PC: variants seen among roughly 807,000 people sequenced by gnomAD.
PC encodes pyruvate carboxylase.
In PC, 46 loss-of-function variants were observed where a neutral mutation model predicts 107.8. The ratio of observed to expected loss-of-function variants is 0.43; its 90% CI spans 0.34 to 0.55. PC has a LOEUF of 0.55. PC is among the 20% of genes least tolerant of loss of function. The pLI is 0.04. For missense variants in PC, 1,241 were observed against 1,643.1 expected, an observed-to-expected ratio of 0.76 and a Z score of 4.23; for synonymous variants, 662 against 684.7, an observed-to-expected ratio of 0.97 and a Z score of 0.52.
At position 66,850,535 on chromosome 11, in the gene PC, G is replaced by A; in HGVS notation, c.2474-71C>T. On this transcript the variant is annotated intron_variant, in intron 18 of 22. Coordinates refer to ENST00000393960, the MANE Select transcript of PC (RefSeq NM_001040716.2). ...CTTCCAGGACCCAGGGCTAGCTCAGGTCCCATGTCTGACTCAGGTGACAGA... is the reference window on the plus strand; with the variant it reads ...CTTCCAGGACCCAGGGCTAGCTCAGATCCCATGTCTGACTCAGGTGACAGA... 2.5e-6 allele frequency: 4 copies of A among 1,610,058 alleles called. No individual in the cohort carries two copies. In the South Asian group the frequency reaches 4.4e-5, roughly 18 times the overall value.
At position 66,858,949 on chromosome 11, in the gene PC, C is replaced by T. The variant is rs372192216; in HGVS notation, c.1368+4825G>A. On this transcript the variant is annotated intron_variant, in intron 12 of 22. Transcript: ENST00000393960. The surrounding 1 kb of genome is among the most constrained non-coding windows in gnomAD (Gnocchi z 5.9). ...CGCACTGCTGCCGAGGGTGAGGGGACGCTGGAGTCTGAGCCAGCCGTGCAG... is the reference window on the plus strand; with the variant it reads ...CGCACTGCTGCCGAGGGTGAGGGGATGCTGGAGTCTGAGCCAGCCGTGCAG... The T allele has an allele frequency of 1.0e-4, 161 of 1,576,994 alleles. 1 individual carries two copies. The South Asian group carries it at 1.5e-3, about 15-fold the overall frequency.
rs899969769 is a variant in PC at position 66,870,941 on chromosome 11, C to T, written c.634-49G>A. ...CCAGACCTCAGACCCCACAGCGCTA[C>T]CTCTCCCCTGCCATGAACCCCACCC... is the stretch of plus-strand genomic sequence containing the variant. On this transcript the variant is annotated intron_variant, in intron 7 of 22. Coordinates refer to ENST00000393960, the MANE Select transcript of PC (RefSeq NM_001040716.2). The surrounding 1 kb of genome is among the most constrained non-coding windows in gnomAD (Gnocchi z 6.1). The T allele has an allele frequency of 2.9e-5, 47 of 1,604,218 alleles. No individual in the cohort carries two copies. The highest frequency in any genetic ancestry group is 3.5e-5 in the Non-Finnish European group (41 of 1,174,112).
In PC at chr11:66,852,313, C is replaced by T. The variant is rs568596389; in HGVS notation, c.1825+126G>A. ...GCCGGAGAGGGCGCTGTGCCTTCTT[C>T]GGTCCTTCCTCTTTGGTGTTCTTCG... On this transcript the variant is annotated intron_variant, in intron 15 of 22. Coordinates refer to ENST00000393960, the MANE Select transcript of PC (RefSeq NM_001040716.2). The surrounding 1 kb of genome is among the most constrained non-coding windows in gnomAD (Gnocchi z 4.7). The T allele has an allele frequency of 3.6e-5, 31 of 866,550 alleles. No individual in the cohort carries two copies. Among genetic ancestry groups the T allele is most frequent in the African/African-American group, 5.0e-5 (3 of 60,508 alleles). The allele number at this position is 866,550 out of a possible 1,614,324, so 53.7% of individuals were successfully genotyped here.
At chr11:66,859,750 C>T (rs747374423) in intron 12 of PC, 1 of 1,608,944 alleles carries the variant, frequency 6.2e-7, no homozygotes, top group Non-Finnish European at 8.5e-7. Flanking sequence ...GACCTCACGG[C>T]CACCAGGCTG....
intron 3 of PC, among the ~76,000 whole-genome samples, chr11:66,883,658 C>T (rs1947260972): frequency 6.6e-6 from 1 of 152,176 alleles, no homozygotes; most frequent in African/African-American, 2.4e-5. Flanking sequence ...CACAGGATCC[C>T]TGGTCTCTTT....
chr11:66,896,570 G>C (rs1947767614), intron 3 of PC, among the ~76,000 whole-genome samples: 1 of 152,264 alleles, frequency 6.6e-6, no homozygotes. Context: ...GGCACGCCAA[G>C]GGAGCAGAGG....
chr11:66,890,981 G>T (rs1373753419), intron 3 of PC, among the ~76,000 whole-genome samples: 1 of 152,010 alleles, frequency 6.6e-6, no homozygotes, highest in Non-Finnish European at 1.5e-5. Flanking sequence ...ACCCCATATA[G>T]AAAATGTGCA....
At chr11:66,902,472 T>A (rs1947993296) in intron 3 of PC, among the ~76,000 whole-genome samples, 1 of 152,198 alleles carries the variant, frequency 6.6e-6, no homozygotes, top group African/African-American at 2.4e-5. Flanking sequence ...GACACCCAGA[T>A]GAACAGCTTG....
At chr11:66,865,343 A>C (rs910649631) in intron 11 of PC, among the ~76,000 whole-genome samples, 34 of 152,204 alleles carry the variant, frequency 2.2e-4, no homozygotes, top group African/African-American at 8.0e-4. Context: ...GCAAAGCTGG[A>C]GCTCCATCAA....
At position 66,871,263 on chromosome 11, in the gene PC, G is replaced by A. The variant is rs1312106266; in HGVS notation, c.487+52C>T. 3 of 1,613,918 alleles carry A rather than the reference G, an allele frequency of 1.9e-6. No individual in the cohort carries two copies. Among genetic ancestry groups the A allele is most frequent in the East Asian group, 4.5e-5 (2 of 44,892 alleles). On this transcript the variant is annotated intron_variant, in intron 6 of 22. Transcript: ENST00000393960. This position sits in a 1 kb window ranked among gnomAD's most constrained non-coding sequence, Gnocchi z 7.4. Reference sequence around the variant, plus strand: ...GGAATCCCTGCCACCCCTCCCTGCTGGACCCTCTCCAGGAGCTGCGGGGCC... The same window carrying A: ...GGAATCCCTGCCACCCCTCCCTGCTAGACCCTCTCCAGGAGCTGCGGGGCC...
intron 12 of PC, chr11:66,859,684 C>G (rs1565228089): frequency 6.2e-7 from 1 of 1,613,034 alleles, no homozygotes; most frequent in Non-Finnish European, 8.5e-7. Flanking sequence ...CACCTCGTCC[C>G]CGGCGCTGAC....
At chr11:66,865,665 G>A (rs1483119346) in intron 11 of PC, among the ~76,000 whole-genome samples, 1 of 152,028 alleles carries the variant, frequency 6.6e-6, no homozygotes, top group Non-Finnish European at 1.5e-5. Flanking sequence ...GCCATCTCGC[G>A]GCCCCGAATC....
intron 3 of PC, among the ~76,000 whole-genome samples, chr11:66,937,945 T>A (rs1949040407): frequency 6.6e-6 from 1 of 151,990 alleles, no homozygotes; most frequent in South Asian, 2.1e-4. Context: ...CTCAGCTAAT[T>A]TTTTGTATTT....
intron 3 of PC, among the ~76,000 whole-genome samples, chr11:66,893,105 T>C (rs1430543568): frequency 6.6e-6 from 1 of 152,190 alleles, no homozygotes. Context: ...GAGATTCTGC[T>C]GTCCAGCTGC....
Position 66,851,846 on chromosome 11 carries a change from C to T in PC, c.1926G>A (p.Leu642=). The change falls in exon 16 of 23, where the codon CTG becomes CTA. Residue 642 remains leucine, a synonymous_variant. Transcript: ENST00000393960. Reference sequence around the variant, plus strand: ...AGCCCACAGCATTGGCCCCCCGCAGCAGCATCTGGAAAGGGATGTTGGGGA... The same window carrying T: ...AGCCCACAGCATTGGCCCCCCGCAGTAGCATCTGGAAAGGGATGTTGGGGA... ...ELIPNIPFQM[L]LRGANAVGYT... is the part of the protein sequence containing the mutation. 6.2e-7 allele frequency: 1 copy of T among 1,614,162 alleles called. No homozygotes were observed. The highest frequency in any genetic ancestry group is 8.5e-7 in the Non-Finnish European group (1 of 1,180,036).
Position 66,849,446 on chromosome 11 carries a change from T to A in PC, c.3148-76A>T, listed in dbSNP as rs1945338324. 30 of 1,605,738 alleles carry A rather than the reference T, an allele frequency of 1.9e-5. No individual in the cohort carries two copies. In the South Asian group the frequency reaches 3.3e-4, roughly 18 times the overall value. ...GTCCCCCGGCCCTGGCCATAGGAAG[T>A]CCCCACACTGGGCCTTGGCTCCTCG... On this transcript the variant is annotated intron_variant, in intron 21 of 22. Transcript: ENST00000393960.
intron 3 of PC, among the ~76,000 whole-genome samples, chr11:66,873,449 A>C (rs1158185986): frequency 1.2e-5 from 1 of 85,554 alleles, no homozygotes; most frequent in South Asian, 2.5e-4. Flanking sequence ...ATTATATTAT[A>C]TATAAAATAT....
At chr11:66,873,749 G>A (rs915548738) in intron 3 of PC, among the ~76,000 whole-genome samples, 9 of 149,614 alleles carry the variant, frequency 6.0e-5, no homozygotes, top group Non-Finnish European at 1.0e-4. Context: ...CCTGCATCTG[G>A]GCCTCATCTA....
Position 66,896,587 on chromosome 11 carries a change from G to A in PC, c.1-24428C>T, listed in dbSNP as rs970740625. ...CACGCCAAGGGAGCAGAGGGGCAAG[G>A]AGGATGGACAGCGCCGCTGGCTCCC... On this transcript the variant is annotated intron_variant, in intron 3 of 22. Transcript: ENST00000393960. 1.9e-4 allele frequency among the ~76,000 whole-genome samples: 29 copies of A among 152,376 alleles called. No homozygotes were observed. The Middle Eastern group carries it at 0.01, about 54-fold the overall frequency.
Sources: gnomAD v4.1 joint callset for allele counts (sites outside exome capture counted in the v4.1 genomes callset) on GRCh38, gnomAD v4.1.1 for gene constraint, Gnocchi (gnomAD v3.1) non-coding constraint, MANE v1.5 for transcripts, NCBI Gene and HGNC (gene_info 2026-07-23, HGNC 2026-07-21) for gene names.